The following CSMD1 variants were observed in gnomAD, a reference collection of about 807,000 sequenced individuals.
CSMD1 encodes CUB and sushi domain-containing protein 1.
Under a neutral mutation model 417.5 loss-of-function variants are expected in CSMD1, and 213 were observed. That is an observed-to-expected ratio of 0.51 (90% CI 0.46 to 0.57). CSMD1 has a LOEUF of 0.57. CSMD1 is among the 20% of genes least tolerant of loss of function. CSMD1 has a pLI of 0.00. For missense variants in CSMD1, 6,923 were observed against 4,529.7 expected, an observed-to-expected ratio of 1.53 and a Z score of -15.17; for synonymous variants, 2,862 against 1,736.8, an observed-to-expected ratio of 1.65 and a Z score of -16.11.
intron 7 of CSMD1, among the ~76,000 whole-genome samples, chr8:3,690,522 T>C (rs1028635748): frequency 1.3e-5 from 2 of 152,224 alleles, no homozygotes; most frequent in African/African-American, 4.8e-5. Flanking sequence ...GCCTCCCAAA[T>C]AGACTGTTAG....
At position 4,637,644 on chromosome 8, in the gene CSMD1, A is replaced by ATTTTTTTTTTTTTT. The variant is rs76431173; in HGVS notation, c.86-100_86-87dup. ...AAAAAATTTCTAAACACTTTAGCCA[A>ATTTTTTTTTTTTTT]TTTTTTTTTTTTTTTTTTTTTTTTT... On this transcript the variant is annotated intron_variant, in intron 1 of 69. Coordinates refer to ENST00000635120, the MANE Select transcript of CSMD1 (RefSeq NM_033225.6). The ATTTTTTTTTTTTTT allele has an allele frequency of 1.9e-4, 66 of 353,004 alleles. 8 individuals carry two copies. Among genetic ancestry groups the ATTTTTTTTTTTTTT allele is most frequent in the African/African-American group, 3.2e-4 (10 of 31,266 alleles). The allele number at this position is 353,004 out of a possible 1,614,324, so 21.9% of individuals were successfully genotyped here.
At chr8:2,994,857 C>T (rs1176672395) in intron 54 of CSMD1, among the ~76,000 whole-genome samples, 4 of 151,652 alleles carry the variant, frequency 2.6e-5, no homozygotes, top group African/African-American at 9.7e-5. Context: ...CTTGAATATC[C>T]ATAGGTTAAA....
intron 3 of CSMD1, 56 bp downstream of exon 3, chr8:4,419,897 A>C (rs1010775958): frequency 8.8e-7 from 1 of 1,131,510 alleles, no homozygotes; most frequent in African/African-American, 1.5e-5. Context: ...CCAGTGTAGC[A>C]TGTATTAGAT....
chr8:3,376,152 G>C (rs986437715), intron 18 of CSMD1, among the ~76,000 whole-genome samples: 1 of 152,126 alleles, frequency 6.6e-6, no homozygotes, highest in South Asian at 2.1e-4. Flanking sequence ...AATGCTTGTG[G>C]AGAGAGTAAA....
At chr8:4,493,565 G>A (rs1801831369) in intron 2 of CSMD1, among the ~76,000 whole-genome samples, 1 of 151,998 alleles carries the variant, frequency 6.6e-6, no homozygotes, top group Non-Finnish European at 1.5e-5. Context: ...CCAGGCAATG[G>A]GGCATGCACC....
chr8:4,431,486 G>C (rs909631533), intron 2 of CSMD1, among the ~76,000 whole-genome samples: 1 of 152,058 alleles, frequency 6.6e-6, no homozygotes, highest in Admixed American at 6.6e-5. Flanking sequence ...AGAAAGTAGA[G>C]AGACCAAGTA....
At chr8:4,510,099 G>C (rs565458104) in intron 2 of CSMD1, among the ~76,000 whole-genome samples, 1 of 152,096 alleles carries the variant, frequency 6.6e-6, no homozygotes, top group African/African-American at 2.4e-5. Context: ...TAAGTCTAAA[G>C]AGATCTGATG....
At chr8:3,868,811 C>T (rs543493591) in intron 5 of CSMD1, among the ~76,000 whole-genome samples, 36 of 152,278 alleles carry the variant, frequency 2.4e-4, no homozygotes, top group African/African-American at 8.7e-4. Flanking sequence ...TCTGATCAGT[C>T]GTGTTTCATG....
At chr8:3,973,872 T>C (rs143462036) in intron 5 of CSMD1, among the ~76,000 whole-genome samples, 2 of 152,186 alleles carry the variant, frequency 1.3e-5, no homozygotes, top group Admixed American at 6.6e-5. Flanking sequence ...TGGGTAACTA[T>C]GGTAGATGAA....
intron 42 of CSMD1, among the ~76,000 whole-genome samples, chr8:3,112,666 G>T (rs896307899): frequency 6.6e-6 from 1 of 152,182 alleles, no homozygotes; most frequent in African/African-American, 2.4e-5. Context: ...ATAGTGAACC[G>T]TAGAGACCCT....
Position 3,286,023 on chromosome 8 carries a change from G to C in CSMD1, c.3951-1677C>G, listed in dbSNP as rs183157975. ...CCCAGTGTGTGATGTTCCCCTTCCT[G>C]TGTCCATGTGTTCTCACTGTTCAAC... On this transcript the variant is annotated intron_variant, in intron 25 of 69. Transcript: ENST00000635120. Among the ~76,000 whole-genome samples the C allele has an allele frequency of 2.6e-3, 396 of 152,054 alleles. 1 individual carries two copies. Among genetic ancestry groups the C allele is most frequent in the Non-Finnish European group, 4.1e-3 (278 of 68,014 alleles).
At chr8:3,366,824 G>T (rs554052247) in intron 20 of CSMD1, among the ~76,000 whole-genome samples, 1 of 152,268 alleles carries the variant, frequency 6.6e-6, no homozygotes, top group Non-Finnish European at 1.5e-5. Context: ...ACACAAAGTG[G>T]CATTTTCTGG....
intron 4 of CSMD1, among the ~76,000 whole-genome samples, chr8:4,016,278 A>C (rs567263936): frequency 1.8e-4 from 27 of 152,288 alleles, no homozygotes; most frequent in African/African-American, 5.8e-4. Context: ...GTACCTAAAA[A>C]GATTCCAGTA....
Position 3,930,490 on chromosome 8 carries a change from T to C in CSMD1, c.818+67413A>G, listed in dbSNP as rs191513568. Among the ~76,000 whole-genome samples the C allele has an allele frequency of 1.7e-3, 249 of 150,676 alleles. 13 individuals carry two copies. Among genetic ancestry groups the C allele is most frequent in the African/African-American group, 5.9e-3 (241 of 40,898 alleles). Reference sequence around the variant, plus strand: ...CCTTTCTCACCATTCCACAAGTTACTTCCTCCTTCCTTTGTTCTCCTCTGC... The same window carrying C: ...CCTTTCTCACCATTCCACAAGTTACCTCCTCCTTCCTTTGTTCTCCTCTGC... On this transcript the variant is annotated intron_variant, in intron 5 of 69. Coordinates refer to ENST00000635120, the MANE Select transcript of CSMD1 (RefSeq NM_033225.6).
chr8:3,878,459 T>C (rs2129118621), intron 5 of CSMD1, among the ~76,000 whole-genome samples: 1 of 152,288 alleles, frequency 6.6e-6, no homozygotes, highest in South Asian at 2.1e-4. Context: ...AGTGTAAACA[T>C]GAACAGACTC....
chr8:3,072,151 G>A (rs756081361), intron 49 of CSMD1, among the ~76,000 whole-genome samples: 2 of 152,216 alleles, frequency 1.3e-5, no homozygotes, highest in Non-Finnish European at 2.9e-5. Context: ...CAGGGCATCT[G>A]AGATCAATTC....
At chr8:3,556,301 G>C (rs1228048480) in intron 10 of CSMD1, among the ~76,000 whole-genome samples, 1 of 149,496 alleles carries the variant, frequency 6.7e-6, no homozygotes, top group South Asian at 2.1e-4. Flanking sequence ...ACCCTTCCCA[G>C]CCTCTGATAA....
chr8:4,927,296 G>A lies in CSMD1; in HGVS notation c.85+67036C>T, dbSNP rs114648141. On this transcript the variant is annotated intron_variant, in intron 1 of 69. Transcript: ENST00000635120. ...TGGTCTCGAACTCCCGTCCTCAAGCGATCTGCCAGCCTCAGCTTCCCAAAG... is the reference window on the plus strand; with the variant it reads ...TGGTCTCGAACTCCCGTCCTCAAGCAATCTGCCAGCCTCAGCTTCCCAAAG... Among the ~76,000 whole-genome samples the A allele has an allele frequency of 3.8e-3, 573 of 151,966 alleles. 2 individuals are homozygous for A. Among genetic ancestry groups the A allele is most frequent in the African/African-American group, 0.012 (488 of 41,468 alleles).
At chr8:3,040,485 T>C (rs1399268868) in intron 50 of CSMD1, among the ~76,000 whole-genome samples, 1 of 149,824 alleles carries the variant, frequency 6.7e-6, no homozygotes, top group Non-Finnish European at 1.5e-5. Flanking sequence ...TATAAACATA[T>C]AAACATATAT....
Sources: gnomAD v4.1 joint callset for allele counts (sites outside exome capture counted in the v4.1 genomes callset) on GRCh38, gnomAD v4.1.1 for gene constraint, MANE v1.5 for transcripts, NCBI Gene and HGNC (gene_info 2026-07-23, HGNC 2026-07-21) for gene names.